The following ZNF461 variants were observed in gnomAD, a reference collection of about 807,000 sequenced individuals.
ZNF461 encodes the protein zinc finger protein 461.
Under a neutral mutation model 18.3 loss-of-function variants are expected in ZNF461, and 16 were observed. The observed-to-expected ratio is 0.88, with a 90% CI of 0.59 to 1.33. The LOEUF (loss-of-function observed/expected upper bound fraction) is 1.33, where lower values mean the gene tolerates loss of function less well. Ranked by LOEUF, ZNF461 falls within the 40% of genes most tolerant of loss-of-function variation. The probability of loss-of-function intolerance (pLI) is 0.00; values close to 1 mark genes in which losing one functional copy is unlikely to be tolerated. For synonymous variants in ZNF461, 179 were observed against 216.9 expected (o/e 0.83, Z 1.54); for missense variants, 595 against 669.9 (o/e 0.89, Z 1.23).
chr19:36,664,648 CAAACAA>C (rs1310413358), intron 2 of ZNF461, 44 bp downstream of exon 2: 1 of 1,425,806 alleles, frequency 7.0e-7, no homozygotes, highest in Non-Finnish European at 9.3e-7. Context: ...CAAAAACAAA[CAAACAA>C]AAAATCAAGT....
chr19:36,654,213 A>G (rs750361830), intron 4 of ZNF461, among the ~76,000 whole-genome samples: 1 of 152,176 alleles, frequency 6.6e-6, no homozygotes, highest in African/African-American at 2.4e-5. Context: ...AAACTGGTAA[A>G]GGAATGTTAT....
intron 4 of ZNF461, among the ~76,000 whole-genome samples, chr19:36,644,581 T>G (rs1043865922): frequency 1.4e-5 from 2 of 146,406 alleles, no homozygotes; most frequent in African/African-American, 4.9e-5. Flanking sequence ...TTTTTTGTGT[T>G]TTTTTTTGTT....
rs1404822575 is a variant in ZNF461 at position 36,664,993 on chromosome 19, A to G, written c.-80-207T>C. 2.0e-5 allele frequency among the ~76,000 whole-genome samples: 3 copies of G among 152,186 alleles called. No individual in the cohort carries two copies. The East Asian group carries it at 5.8e-4, about 29-fold the overall frequency. Reference sequence around the variant, plus strand: ...AACTCAGCTACAGCAGGATAGACTCAAGAAAAGCAAGGATCATGCCCTTCA... The same window carrying G: ...AACTCAGCTACAGCAGGATAGACTCGAGAAAAGCAAGGATCATGCCCTTCA... On this transcript the variant is annotated intron_variant, in intron 1 of 5. Coordinates refer to ENST00000588268, the MANE Select transcript of ZNF461 (RefSeq NM_153257.5).
intron 5 of ZNF461, among the ~76,000 whole-genome samples, chr19:36,642,503 G>A (rs939906473): frequency 1.1e-4 from 16 of 151,984 alleles, no homozygotes; most frequent in Non-Finnish European, 1.9e-4. Context: ...CTCTTACCTG[G>A]CAACTCCAGA....
Position 36,664,742 on chromosome 19 carries a change from C to T in ZNF461, c.-36G>A. 1.4e-6 allele frequency: 2 copies of T among 1,441,340 alleles called. No individual in the cohort carries two copies. The highest frequency in any genetic ancestry group is 5.4e-5 in the Admixed American group (2 of 36,714). 89.3% of individuals were successfully genotyped at this position (1,441,340 alleles called of 1,614,324 possible). A position where few individuals can be genotyped will look rare whatever the true frequency, so the allele number is the denominator to read the frequency against. Reference sequence around the variant, plus strand: ...AGAATTGAATGTATTATTTAATCCTCTTCTTCGTTCCCTCTGGAAGAAACT... The same window carrying T: ...AGAATTGAATGTATTATTTAATCCTTTTCTTCGTTCCCTCTGGAAGAAACT... On this transcript the variant is annotated 5_prime_UTR_variant, in exon 2 of 6. Transcript: ENST00000588268.
At chr19:36,645,141 T>C (rs1218895220) in intron 4 of ZNF461, 3 of 152,502 alleles carry the variant, frequency 2.0e-5, no homozygotes, top group African/African-American at 7.2e-5. Flanking sequence ...GGTGGGAAGA[T>C]TGCTTGAGCC....
chr19:36,651,099 C>G (rs1413301082), intron 4 of ZNF461, among the ~76,000 whole-genome samples: 1 of 151,846 alleles, frequency 6.6e-6, no homozygotes, highest in African/African-American at 2.4e-5. Flanking sequence ...TGCATGGTGG[C>G]AGACGCCTGT....
intron 2 of ZNF461, chr19:36,658,628 C>T (rs2145409731): frequency 2.3e-6 from 1 of 431,728 alleles, no homozygotes; most frequent in African/African-American, 2.0e-5. Context: ...TTTCTGCAGA[C>T]ACATCTTCTT....
chr19:36,664,041 G>A (rs1249039338), intron 2 of ZNF461, among the ~76,000 whole-genome samples: 1 of 152,038 alleles, frequency 6.6e-6, no homozygotes, highest in East Asian at 1.9e-4. Context: ...ATAAATATTC[G>A]TTAATCACCT....
chr19:36,655,518 G>A lies in ZNF461; in HGVS notation c.232+930C>T, dbSNP rs78635649. On this transcript the variant is annotated intron_variant, in intron 4 of 5. Transcript: ENST00000588268. ...GGAAACTTAGGTGAGAGGATTGCTT[G>A]AGCCAGGGAGGCAGAGGTTGCAGTG... is the stretch of plus-strand genomic sequence containing the variant. Among the ~76,000 whole-genome samples the A allele has an allele frequency of 5.5e-3, 836 of 152,300 alleles. 23 individuals are homozygous for A. The highest frequency in any genetic ancestry group is 0.037 in the Admixed American group (567 of 15,296).
At position 36,639,660 on chromosome 19, in the gene ZNF461, T is replaced by G. The variant is rs760956803; in HGVS notation, c.685A>C (p.Asn229His). ...SECKECTEIV[N>H]TPCLFKQQTI... ...TGTTGTTTAAAAAGGCATGGTGTAT[T>G]AACAATTTCTGTGCATTCTTTACAT... The change falls in exon 6 of 6, where the codon AAT becomes CAT. Residue 229 changes from asparagine to histidine, a missense_variant. By Grantham distance (68) the Asn-to-His change is moderately conservative. Coordinates refer to ENST00000588268, the MANE Select transcript of ZNF461 (RefSeq NM_153257.5). The G allele has an allele frequency of 5.6e-6, 9 of 1,613,800 alleles. No individual in the cohort carries two copies.
chr19:36,648,201 G>A (rs2037562000), intron 4 of ZNF461, among the ~76,000 whole-genome samples: 1 of 151,364 alleles, frequency 6.6e-6, no homozygotes, highest in East Asian at 1.9e-4. Flanking sequence ...GAAAATGTGT[G>A]GCACCTCCCC....
intron 4 of ZNF461, among the ~76,000 whole-genome samples, chr19:36,651,438 T>A (rs1257867709): frequency 6.6e-6 from 1 of 151,892 alleles, no homozygotes; most frequent in Non-Finnish European, 1.5e-5. Flanking sequence ...AAGAAAATTA[T>A]CTATTTGTCG....
At chr19:36,644,584 TTTTTG>T (rs1568647974) in intron 4 of ZNF461, among the ~76,000 whole-genome samples, 4 of 149,712 alleles carry the variant, frequency 2.7e-5, no homozygotes, top group African/African-American at 2.4e-5. Context: ...TTTGTGTTTT[TTTTTG>T]TTTTGTTTTG....
At chr19:36,656,614 TAAAATA>T (rs2037725485) in intron 3 of ZNF461, 71 bp from the exon 4 acceptor site, 1 of 1,224,432 alleles carries the variant, frequency 8.2e-7, no homozygotes, top group African/African-American at 1.5e-5. Context: ...TAGAACTGAT[TAAAATA>T]AAAATAAATC....
chr19:36,650,538 T>C (rs1306178127), intron 4 of ZNF461, among the ~76,000 whole-genome samples: 2 of 152,072 alleles, frequency 1.3e-5, no homozygotes, highest in African/African-American at 4.8e-5. Context: ...CACAACGTCT[T>C]CCAGAAAACA....
intron 4 of ZNF461, among the ~76,000 whole-genome samples, chr19:36,648,455 G>C (rs1019319267): frequency 1.3e-5 from 2 of 151,112 alleles, no homozygotes; most frequent in Non-Finnish European, 2.9e-5. Context: ...CACCAATAGT[G>C]CACAAAGGTT....
chr19:36,639,321 A>G lies in ZNF461; in HGVS notation c.1024T>C (p.Phe342Leu), dbSNP rs754676807. Residue 342 changes from phenylalanine to leucine, a missense_variant, in exon 6 of 6, where the codon TTT becomes CTT. Coordinates refer to ENST00000588268, the MANE Select transcript of ZNF461 (RefSeq NM_153257.5). ...AGTCGCAGGTGTTCAGTAAGTTGAA[A>G]GCCACGAATAAAAGCCTTCCCACAT... ...KQCGKAFIRG[F>L]QLTEHLRLHT... 1.2e-6 allele frequency: 2 copies of G among 1,614,068 alleles called. No individual in the cohort carries two copies. The highest frequency in any genetic ancestry group is 1.1e-5 in the South Asian group (1 of 91,074).
chr19:36,660,275 G>A (rs1480810576), intron 2 of ZNF461, among the ~76,000 whole-genome samples: 3 of 149,530 alleles, frequency 2.0e-5, no homozygotes, highest in East Asian at 2.0e-4. Flanking sequence ...TCAGCCTCCC[G>A]AGTAGCTGGG....
Sources: allele counts gnomAD v4.1 joint callset (sites outside exome capture counted in the v4.1 genomes callset), GRCh38; gene constraint gnomAD v4.1.1; transcripts MANE v1.5; gene names NCBI Gene and HGNC (gene_info 2026-07-23, HGNC 2026-07-21).